Variants in SHB observed in about 807,000 individuals in gnomAD.
SHB encodes SH2 domain containing adaptor protein B.
SHB carries 20 observed loss-of-function variants against 52.3 expected under a neutral mutation model. The observed-to-expected ratio is 0.38, with a 90% CI of 0.27 to 0.56. SHB has a LOEUF of 0.56. Ranked by LOEUF, SHB falls within the 20% of genes least tolerant of loss-of-function variation. The pLI is 0.71. For missense variants in SHB, 825 were observed against 723.3 expected, an observed-to-expected ratio of 1.14 and a Z score of -1.61; for synonymous variants, 397 against 316.5, an observed-to-expected ratio of 1.25 and a Z score of -2.70.
At chr9:37,920,360 T>A (rs964714193) in intron 5 of SHB, among the ~76,000 whole-genome samples, 3 of 152,028 alleles carry the variant, frequency 2.0e-5, no homozygotes, top group Non-Finnish European at 4.4e-5. Context: ...CTATTACCAG[T>A]GCATATCCCT....
intron 1 of SHB, among the ~76,000 whole-genome samples, chr9:38,018,049 G>C (rs1319459453): frequency 1.3e-5 from 2 of 152,096 alleles, no homozygotes; most frequent in Non-Finnish European, 2.9e-5. Context: ...TCTTGTCCCA[G>C]ATTTCCTCAC....
chr9:38,001,427 G>T (rs1821011690), intron 2 of SHB, among the ~76,000 whole-genome samples: 1 of 152,220 alleles, frequency 6.6e-6, no homozygotes, highest in South Asian at 2.1e-4. Context: ...CAAACCCAGG[G>T]CTCTGTCCAG....
chr9:37,986,955 G>T (rs546904978), intron 2 of SHB, among the ~76,000 whole-genome samples: 1 of 152,214 alleles, frequency 6.6e-6, no homozygotes, highest in Non-Finnish European at 1.5e-5. Context: ...GGCACGGTGC[G>T]GTCTCTGCCT....
chr9:38,058,326 C>T (rs1398650553), intron 1 of SHB, among the ~76,000 whole-genome samples: 1 of 152,234 alleles, frequency 6.6e-6, no homozygotes, highest in African/African-American at 2.4e-5. Flanking sequence ...CAGAGAGTGT[C>T]CCACTCTGGA....
chr9:37,951,831 C>A (rs1034369855), intron 4 of SHB, among the ~76,000 whole-genome samples: 1 of 152,248 alleles, frequency 6.6e-6, no homozygotes, highest in Non-Finnish European at 1.5e-5. Flanking sequence ...GATCTGGGGG[C>A]CGGGCCGGCA....
At position 37,922,975 on chromosome 9, in the gene SHB, C is replaced by T. The variant is rs144365039; in HGVS notation, c.1347-2971G>A. Among the ~76,000 whole-genome samples, 88 of 152,330 alleles carry T rather than the reference C, an allele frequency of 5.8e-4. No individual in the cohort carries two copies. In the East Asian group the frequency reaches 0.013, roughly 23 times the overall value. On this transcript the variant is annotated intron_variant, in intron 5 of 5. Transcript: ENST00000377707. ...AAGCAGCCTCACACCTTCCCTCCAC[C>T]GCTGCCCTCATCCCCAGTCCTGCTT...
At chr9:38,031,119 A>T (rs1821407134) in intron 1 of SHB, among the ~76,000 whole-genome samples, 1 of 152,198 alleles carries the variant, frequency 6.6e-6, no homozygotes, top group Non-Finnish European at 1.5e-5. Context: ...CAGGAGATAG[A>T]GACCATCATG....
At chr9:37,950,344 C>A (rs1229590912) in intron 4 of SHB, among the ~76,000 whole-genome samples, 2 of 152,016 alleles carry the variant, frequency 1.3e-5, no homozygotes, top group Non-Finnish European at 2.9e-5. Context: ...CGGCTCACTG[C>A]AGCCTTAAAT....
At chr9:37,945,498 C>T (rs1020946589) in intron 5 of SHB, among the ~76,000 whole-genome samples, 2 of 152,212 alleles carry the variant, frequency 1.3e-5, no homozygotes, top group Non-Finnish European at 2.9e-5. Flanking sequence ...CCAGCCCAGC[C>T]CACCTCCCCA....
At chr9:38,002,468 G>A (rs1181535690) in intron 2 of SHB, among the ~76,000 whole-genome samples, 5 of 152,150 alleles carry the variant, frequency 3.3e-5, no homozygotes, top group African/African-American at 9.7e-5. Flanking sequence ...AGGGCAGGAG[G>A]CCTTGCTTTG....
chr9:37,997,760 G>A (rs550755312), intron 2 of SHB, among the ~76,000 whole-genome samples: 40 of 152,286 alleles, frequency 2.6e-4, no homozygotes, highest in African/African-American at 8.9e-4. Flanking sequence ...ACAGAGACAC[G>A]GAGGCCGAGG....
intron 4 of SHB, among the ~76,000 whole-genome samples, chr9:37,951,456 C>T (rs980111422): frequency 6.6e-6 from 1 of 152,228 alleles, no homozygotes; most frequent in Non-Finnish European, 1.5e-5. Context: ...GCATTGACTT[C>T]GGAAGTAAGA....
chr9:38,039,204 C>G (rs566853556), intron 1 of SHB, among the ~76,000 whole-genome samples: 185 of 152,316 alleles, frequency 1.2e-3, no homozygotes, highest in Non-Finnish European at 2.1e-3. Context: ...AGGCGTTAAG[C>G]CTCCAATGTT....
At chr9:38,061,347 C>T (rs752624397) in intron 1 of SHB, among the ~76,000 whole-genome samples, 1 of 151,810 alleles carries the variant, frequency 6.6e-6, no homozygotes, top group African/African-American at 2.4e-5. Context: ...AAATACATCA[C>T]CCCTACCACC....
At chr9:38,003,050 T>C (rs1424676244) in intron 2 of SHB, among the ~76,000 whole-genome samples, 1 of 152,206 alleles carries the variant, frequency 6.6e-6, no homozygotes, top group Non-Finnish European at 1.5e-5. Context: ...GGGCTATTAA[T>C]AAGGACCAAG....
intron 1 of SHB, among the ~76,000 whole-genome samples, chr9:38,031,374 T>A (rs1821410534): frequency 6.6e-6 from 1 of 151,958 alleles, no homozygotes; most frequent in Admixed American, 6.6e-5. Context: ...CAATAACAAT[T>A]TAACAGTAAA....
At chr9:37,922,938 G>T (rs987400279) in intron 5 of SHB, among the ~76,000 whole-genome samples, 2 of 152,194 alleles carry the variant, frequency 1.3e-5, no homozygotes, top group African/African-American at 4.8e-5. Context: ...CTTCCTGCAG[G>T]AAGGGGTCTG....
chr9:38,029,768 G>A (rs904826716), intron 1 of SHB, among the ~76,000 whole-genome samples: 2 of 152,200 alleles, frequency 1.3e-5, no homozygotes, highest in Non-Finnish European at 2.9e-5. Flanking sequence ...TGGGATTACA[G>A]GTGTGAGCCA....
chr9:37,986,166 G>C (rs747155464), intron 2 of SHB, among the ~76,000 whole-genome samples: 3 of 152,208 alleles, frequency 2.0e-5, no homozygotes, highest in Non-Finnish European at 4.4e-5. Flanking sequence ...TTGAGGGCCA[G>C]GGATGCCAAC....
Sources: allele counts gnomAD v4.1 joint callset (sites outside exome capture counted in the v4.1 genomes callset), GRCh38; gene constraint gnomAD v4.1.1; transcripts MANE v1.5; gene names NCBI Gene and HGNC (gene_info 2026-07-23, HGNC 2026-07-21).